The following HEATR5B variants were observed in gnomAD, a reference collection of about 807,000 sequenced individuals.
The protein encoded by HEATR5B is HEAT repeat-containing protein 5B.
Under a neutral mutation model 224.1 loss-of-function variants are expected in HEATR5B, and 156 were observed. The observed-to-expected ratio is 0.70, with a 90% CI of 0.61 to 0.80. The LOEUF (loss-of-function observed/expected upper bound fraction) is 0.80. Ranked by LOEUF, HEATR5B falls within the 30% of genes least tolerant of loss-of-function variation. The pLI, the probability that HEATR5B is intolerant of heterozygous loss-of-function variation, is 0.00. For synonymous variants in HEATR5B, 1,027 were observed against 893.0 expected (o/e 1.15, Z -2.68); for missense variants, 2,323 against 2,535.5 (o/e 0.92, Z 1.80).
intron 18 of HEATR5B, 70 bp from the exon 19 acceptor site, chr2:37,041,362 A>G: frequency 2.9e-6 from 4 of 1,390,530 alleles, no homozygotes. Context: ...ATTATAAGTC[A>G]CACAAAAACT....
rs761942513 is a variant in HEATR5B at position 37,075,587 on chromosome 2, A to C, written c.495T>G (p.Ser165Arg). 8.1e-6 allele frequency: 13 copies of C among 1,613,712 alleles called. No individual in the cohort carries two copies. Among genetic ancestry groups the C allele is most frequent in the Admixed American group, 3.3e-5 (2 of 59,980 alleles). ...EILMSLQKVL[S>R]GLGGAAASSH... is the part of the protein sequence containing the mutation. ...AGGAAGCTGCTGCACCACCCAGTCC[A>C]CTTAGAACTTTCTGTAGACTCATTA... is the stretch of plus-strand genomic sequence containing the variant. Residue 165 changes from serine to arginine, a missense_variant, in exon 5 of 36, where the codon AGT (serine) becomes AGG (arginine). Ser to Arg is a moderately radical substitution (Grantham distance 110). Around this residue, in one of 12 missense-constraint regions of HEATR5B, gnomAD observed 292 missense variants for 332.6 expected, o/e 0.88. Coordinates refer to ENST00000233099, the MANE Select transcript of HEATR5B (RefSeq NM_019024.3).
intron 27 of HEATR5B, among the ~76,000 whole-genome samples, chr2:37,013,167 T>C (rs1667898851): frequency 6.6e-6 from 1 of 152,202 alleles, no homozygotes; most frequent in Non-Finnish European, 1.5e-5. Flanking sequence ...TAAACGTGGT[T>C]TCACTTTCTA....
rs777268065 is a variant in HEATR5B at position 37,057,306 on chromosome 2, A to G, written c.2223+11T>C. The G allele has an allele frequency of 2.5e-6, 4 of 1,581,398 alleles. No individual in the cohort carries two copies. The highest frequency in any genetic ancestry group is 2.7e-5 in the African/African-American group (2 of 73,110). On this transcript the variant is annotated intron_variant, in intron 15 of 35. Transcript: ENST00000233099. ...TTAAGTTAGTATTTCATTTTCCTCT[A>G]TGTTTATTACCTGGTCTTCAATTGA...
chr2:37,051,641 T>A (rs1411923489), intron 17 of HEATR5B, among the ~76,000 whole-genome samples: 1 of 152,134 alleles, frequency 6.6e-6, no homozygotes, highest in Non-Finnish European at 1.5e-5. Flanking sequence ...ACCACCCCAC[T>A]CCTTTTCTAA....
At chr2:37,022,974 A>G (rs1668557202) in intron 24 of HEATR5B, among the ~76,000 whole-genome samples, 1 of 152,154 alleles carries the variant, frequency 6.6e-6, no homozygotes, top group South Asian at 2.1e-4. Context: ...GAGAGAGAGA[A>G]AAAAATCAGT....
chr2:37,029,305 A>T (rs1229308689), intron 22 of HEATR5B, among the ~76,000 whole-genome samples: 1 of 152,242 alleles, frequency 6.6e-6, no homozygotes, highest in Non-Finnish European at 1.5e-5. Flanking sequence ...TCAGATTTTA[A>T]AATTTTTATA....
At chr2:37,054,500 T>A (rs1475223129) in intron 16 of HEATR5B, among the ~76,000 whole-genome samples, 2 of 133,390 alleles carry the variant, frequency 1.5e-5, no homozygotes, top group Non-Finnish European at 3.2e-5. Context: ...TTTTTTTTTT[T>A]TGAGACTGAG....
At chr2:37,021,916 C>T (rs1351598774) in intron 24 of HEATR5B, among the ~76,000 whole-genome samples, 3 of 151,194 alleles carry the variant, frequency 2.0e-5, no homozygotes, top group Non-Finnish European at 4.4e-5. Context: ...TTTACTGAGG[C>T]TAATCAGAGC....
chr2:37,030,725 T>A (rs1669076173), intron 22 of HEATR5B, among the ~76,000 whole-genome samples: 1 of 152,266 alleles, frequency 6.6e-6, no homozygotes, highest in South Asian at 2.1e-4. Flanking sequence ...TATAGTAACT[T>A]GCAATTGTTA....
intron 2 of HEATR5B, 117 bp downstream of exon 2, chr2:37,083,172 C>G: frequency 8.6e-7 from 1 of 1,162,814 alleles, no homozygotes; most frequent in South Asian, 1.3e-5. Context: ...GTGTAATACT[C>G]TCAAGTTCCA....
rs150474538 is a variant in HEATR5B at position 37,084,291 on chromosome 2, C to A, written c.-45G>T. On this transcript the variant is annotated 5_prime_UTR_variant, in exon 1 of 36. Transcript: ENST00000233099. ...CACCTCGTAGTCTGGAAGGGAAGATCAGCTGAGCTCCGGGGGTAGAAGCAG... is the reference window on the plus strand; with the variant it reads ...CACCTCGTAGTCTGGAAGGGAAGATAAGCTGAGCTCCGGGGGTAGAAGCAG... 3 of 395,504 alleles carry A rather than the reference C, an allele frequency of 7.6e-6. No homozygotes were observed. The East Asian group carries it at 1.1e-4, about 14-fold the overall frequency. The allele number at this position is 395,504 out of a possible 1,614,324, so 24.5% of individuals were successfully genotyped here.
chr2:37,021,433 A>G (rs760997474), intron 24 of HEATR5B, among the ~76,000 whole-genome samples: 6 of 152,170 alleles, frequency 3.9e-5, no homozygotes, highest in African/African-American at 7.2e-5. Context: ...CCAGCCCTAA[A>G]ACCAAGTTCT....
intron 18 of HEATR5B, among the ~76,000 whole-genome samples, chr2:37,047,615 A>G (rs2148516309): frequency 6.6e-6 from 1 of 152,350 alleles, no homozygotes; most frequent in East Asian, 1.9e-4. Flanking sequence ...GTCTTAAGCA[A>G]TTGAAGGTAC....
At position 36,981,141 on chromosome 2, in the gene HEATR5B, C is replaced by G. The variant is rs1022208053; in HGVS notation, c.*349G>C. 1 of 178,230 alleles carries G rather than the reference C, an allele frequency of 5.6e-6. No individual in the cohort carries two copies. Among genetic ancestry groups the G allele is most frequent in the African/African-American group, 2.4e-5 (1 of 42,356 alleles). 11.0% of individuals were successfully genotyped at this position (178,230 alleles called of 1,614,324 possible). Reference sequence around the variant, plus strand: ...TTTTTTTCATGACAGATGCTGAGTTCTGACCCATTTTTTTCCCCTGACAGT... The same window carrying G: ...TTTTTTTCATGACAGATGCTGAGTTGTGACCCATTTTTTTCCCCTGACAGT... On this transcript the variant is annotated 3_prime_UTR_variant, in exon 36 of 36. Transcript: ENST00000233099.
chr2:37,003,352 C>T (rs926633959), intron 31 of HEATR5B, among the ~76,000 whole-genome samples, 190 bp downstream of exon 31: 1 of 151,108 alleles, frequency 6.6e-6, no homozygotes, highest in African/African-American at 2.4e-5. Flanking sequence ...GCAGGAGGAT[C>T]CTAAGCCCAG....
chr2:36,998,905 G>C lies in HEATR5B; in HGVS notation c.5545+1681C>G, dbSNP rs557814598. 5.9e-5 allele frequency among the ~76,000 whole-genome samples: 9 copies of C among 151,748 alleles called. 1 individual carries two copies. In the South Asian group the frequency reaches 1.9e-3, roughly 32 times the overall value. On this transcript the variant is annotated intron_variant, in intron 33 of 35. Transcript: ENST00000233099. ...GAAAACATACTTATTTATATAGATA[G>C]ATATTTCTAAGAAAAAACATAATAT... is the stretch of plus-strand genomic sequence containing the variant.
Position 37,032,630 on chromosome 2 carries a change from G to T in HEATR5B, c.3360C>A (p.Ala1120=), listed in dbSNP as rs531774763. The part of the protein sequence containing the change: ...KNTGDKESSS[A]NVSPFAPGVS... ...ATATTGACCAATAATATAACTTACT[G>T]GCACTACTGCTCTCTTTGTCCCCTG... The change falls in exon 22 of 36, where the codon GCC becomes GCA. Residue 1120 remains alanine (A), a splice_region_variant and synonymous_variant. Transcript: ENST00000233099. 10 of 1,608,616 alleles carry T rather than the reference G, an allele frequency of 6.2e-6. No homozygotes were observed. Among genetic ancestry groups the T allele is most frequent in the Non-Finnish European group, 8.5e-6 (10 of 1,178,080 alleles).
At chr2:37,024,672 G>C (rs1020344579) in intron 24 of HEATR5B, among the ~76,000 whole-genome samples, 5 of 152,138 alleles carry the variant, frequency 3.3e-5, no homozygotes, top group African/African-American at 1.2e-4. Flanking sequence ...GCAGTACAAA[G>C]TAGATTAAAA....
chr2:37,057,265 G>A lies in HEATR5B; in HGVS notation c.2223+52C>T, dbSNP rs148858004. 853 of 1,362,414 alleles carry A rather than the reference G, an allele frequency of 6.3e-4. 6 individuals carry two copies. In the African/African-American group the frequency reaches 0.011, roughly 18 times the overall value. The allele number at this position is 1,362,414 out of a possible 1,614,324, so 84.4% of individuals were successfully genotyped here. On this transcript the variant is annotated intron_variant, in intron 15 of 35. Coordinates refer to ENST00000233099, the MANE Select transcript of HEATR5B (RefSeq NM_019024.3). The stretch of plus-strand genomic sequence containing the variant: ...TCTTTTTAAGTGACAATGTGTAATA[G>A]GACCATTGTTTCAGATTAAGTTAGT...
Sources: allele counts gnomAD v4.1 joint callset (sites outside exome capture counted in the v4.1 genomes callset), GRCh38; gene constraint gnomAD v4.1.1; regional missense constraint gnomAD v4.1.1; transcripts MANE v1.5; gene names NCBI Gene and HGNC (gene_info 2026-07-23, HGNC 2026-07-21).